The following C8orf34 variants were observed in gnomAD, a reference collection of about 807,000 sequenced individuals.
C8orf34 encodes the protein uncharacterized protein C8orf34.
Under a neutral mutation model 68.3 loss-of-function variants are expected in C8orf34, and 65 were observed. The ratio of observed to expected loss-of-function variants is 0.95; its 90% CI spans 0.78 to 1.17. C8orf34 has a LOEUF of 1.17. Among genes scored for constraint, C8orf34 ranks in the 50% most tolerant of loss-of-function variants. The probability of loss-of-function intolerance (pLI) is 0.00; values close to 1 mark genes in which losing one functional copy is unlikely to be tolerated. For synonymous variants in C8orf34, 244 were observed against 241.2 expected (o/e 1.01, Z -0.11); for missense variants, 664 against 655.4 (o/e 1.01, Z -0.14).
chr8:68,563,435 C>A (rs1816493207), intron 7 of C8orf34, among the ~76,000 whole-genome samples: 1 of 152,180 alleles, frequency 6.6e-6, no homozygotes, highest in Middle Eastern at 3.4e-3. Flanking sequence ...TTGGAATCAT[C>A]ATAAGAAATG....
chr8:68,400,623 C>T (rs1428157702), intron 1 of C8orf34, among the ~76,000 whole-genome samples: 1 of 152,102 alleles, frequency 6.6e-6, no homozygotes, highest in African/African-American at 2.4e-5. Flanking sequence ...TGCAATGGTG[C>T]GATCTTAGCT....
At chr8:68,692,320 G>T (rs1444055992) in intron 8 of C8orf34, among the ~76,000 whole-genome samples, 1 of 152,036 alleles carries the variant, frequency 6.6e-6, no homozygotes, top group Non-Finnish European at 1.5e-5. Flanking sequence ...CTAGACTGTG[G>T]TATAGGGGAA....
chr8:68,517,779 C>G (rs1048940525), intron 5 of C8orf34, among the ~76,000 whole-genome samples: 1 of 152,138 alleles, frequency 6.6e-6, no homozygotes, highest in Admixed American at 6.5e-5. Context: ...TGGTCAATTT[C>G]TTTGTTCATT....
chr8:68,417,223 A>G (rs1249307827), intron 1 of C8orf34, among the ~76,000 whole-genome samples: 1 of 152,198 alleles, frequency 6.6e-6, no homozygotes, highest in Non-Finnish European at 1.5e-5. Flanking sequence ...TAGGTTTCTA[A>G]AAAGATTAAA....
intron 1 of C8orf34, among the ~76,000 whole-genome samples, chr8:68,397,135 A>G (rs1808750753): frequency 6.6e-6 from 1 of 151,906 alleles, no homozygotes; most frequent in Non-Finnish European, 1.5e-5. Context: ...CCTCTTGAGT[A>G]GCTGGGATTA....
rs746598892 is a variant in C8orf34, at chr8:68,787,551, T to C, written c.1549+15T>C. ...ACAAGAGAAACGTGAGTAGACACTATTGTTTATTGACAAATTTCTTTTACC... is the reference window on the plus strand; with the variant it reads ...ACAAGAGAAACGTGAGTAGACACTACTGTTTATTGACAAATTTCTTTTACC... On this transcript the variant is annotated intron_variant, in intron 12 of 13. Coordinates refer to ENST00000518698, the MANE Select transcript of C8orf34 (RefSeq NM_052958.4). 11 of 1,557,914 alleles carry C rather than the reference T, an allele frequency of 7.1e-6. No homozygotes were observed. The highest frequency in any genetic ancestry group is 1.2e-5 in the South Asian group (1 of 84,912).
At chr8:68,567,722 G>C (rs973369531) in intron 7 of C8orf34, among the ~76,000 whole-genome samples, 9 of 115,628 alleles carry the variant, frequency 7.8e-5, no homozygotes, top group African/African-American at 3.3e-4. Context: ...AGCCTCCCGA[G>C]TCTTTTGTAT....
intron 12 of C8orf34, among the ~76,000 whole-genome samples, chr8:68,809,088 G>A (rs964138474): frequency 4.6e-5 from 7 of 152,024 alleles, no homozygotes; most frequent in Admixed American, 3.3e-4. Context: ...GCTTCTTCCC[G>A]GTGGTCCCAG....
intron 1 of C8orf34, among the ~76,000 whole-genome samples, chr8:68,427,235 A>G (rs1197221823): frequency 6.6e-6 from 1 of 152,210 alleles, no homozygotes; most frequent in Non-Finnish European, 1.5e-5. Flanking sequence ...AAACCTATAC[A>G]GAAATGTTTA....
At chr8:68,617,485 GA>G (rs1365645069) in intron 7 of C8orf34, among the ~76,000 whole-genome samples, 1 of 152,152 alleles carries the variant, frequency 6.6e-6, no homozygotes, top group Non-Finnish European at 1.5e-5. Context: ...GCCTTGTGGT[GA>G]CAAAATCTCT....
chr8:68,734,794 A>G (rs1207614568), intron 10 of C8orf34, among the ~76,000 whole-genome samples: 1 of 152,154 alleles, frequency 6.6e-6, no homozygotes, highest in Non-Finnish European at 1.5e-5. Flanking sequence ...CCAACCCAGG[A>G]GTTCCCATCT....
intron 1 of C8orf34, among the ~76,000 whole-genome samples, chr8:68,436,338 T>C (rs571261064): frequency 1.3e-5 from 2 of 152,328 alleles, no homozygotes; most frequent in East Asian, 3.9e-4. Context: ...AAGTATGAAC[T>C]AAATCTCCTG....
intron 3 of C8orf34, among the ~76,000 whole-genome samples, chr8:68,455,293 A>G (rs1306983631): frequency 6.6e-6 from 1 of 152,040 alleles, no homozygotes; most frequent in Admixed American, 6.5e-5. Context: ...TCATGTCTTT[A>G]TTGGTCTTCC....
At chr8:68,367,912 G>GCAAAAAAAAAAAAAAAAAAAAA (rs1807364051) in intron 1 of C8orf34, among the ~76,000 whole-genome samples, 1 of 79,116 alleles carries the variant, frequency 1.3e-5, no homozygotes, top group East Asian at 5.0e-4. Flanking sequence ...AAAAAGAAAA[G>GCAAAAAAAAAAAAAAAAAAAAA]AAAAAAAAAA....
intron 10 of C8orf34, among the ~76,000 whole-genome samples, chr8:68,757,081 T>C (rs1175014813): frequency 1.3e-5 from 2 of 152,240 alleles, no homozygotes; most frequent in African/African-American, 4.8e-5. Context: ...CATTGTTAGA[T>C]TGAAAATAAA....
At chr8:68,715,292 A>G (rs1821439524) in intron 9 of C8orf34, among the ~76,000 whole-genome samples, 5 of 152,234 alleles carry the variant, frequency 3.3e-5, no homozygotes, top group Admixed American at 3.3e-4. Flanking sequence ...TGAACTAAAA[A>G]GCTTCTGCAC....
intron 1 of C8orf34, among the ~76,000 whole-genome samples, chr8:68,373,345 A>C (rs538120152): frequency 3.2e-4 from 48 of 152,304 alleles, no homozygotes; most frequent in African/African-American, 1.2e-3. Context: ...TGACTTGCAG[A>C]TGACCACAGA....
intron 10 of C8orf34, among the ~76,000 whole-genome samples, chr8:68,772,814 C>T (rs889221802): frequency 6.9e-6 from 1 of 145,002 alleles, no homozygotes; most frequent in Non-Finnish European, 1.5e-5. Flanking sequence ...TTCTTTCTTT[C>T]TTTCTGTCTG....
chr8:68,567,914 CT>C (rs945812136), intron 7 of C8orf34, among the ~76,000 whole-genome samples: 13 of 151,808 alleles, frequency 8.6e-5, no homozygotes, highest in African/African-American at 3.1e-4. Context: ...TCATTTCTAG[CT>C]TTTGAAAGTG....
Sources: gnomAD v4.1 joint callset for allele counts (sites outside exome capture counted in the v4.1 genomes callset) on GRCh38, gnomAD v4.1.1 for gene constraint, MANE v1.5 for transcripts, NCBI Gene and HGNC (gene_info 2026-07-23, HGNC 2026-07-21) for gene names.